The following ASTN2 variants were observed in gnomAD, a reference collection of about 807,000 sequenced individuals.
ASTN2 encodes the protein astrotactin-2.
A neutral mutation model predicts 139.8 loss-of-function variants in ASTN2; 54 were observed. The observed-to-expected ratio is 0.39, with a 90% confidence interval of 0.31 to 0.48. ASTN2 has a LOEUF of 0.48. Among genes scored for constraint, ASTN2 ranks in the 20% least tolerant of loss-of-function variants. The pLI, the probability that ASTN2 is intolerant of heterozygous loss-of-function variation, is 0.95. For synonymous variants in ASTN2, 756 were observed against 719.5 expected, an observed-to-expected ratio of 1.05 and a Z score of -0.81; for missense variants, 1,565 against 1,725.1, an observed-to-expected ratio of 0.91 and a Z score of 1.64.
intron 1 of ASTN2, among the ~76,000 whole-genome samples, chr9:117,393,039 C>T (rs1261524386): frequency 6.6e-6 from 1 of 152,206 alleles, no homozygotes; most frequent in Non-Finnish European, 1.5e-5. Context: ...CAGGAGTAGA[C>T]AAAGAGGCTA....
intron 4 of ASTN2, among the ~76,000 whole-genome samples, chr9:117,114,179 A>T (rs71495199): frequency 0.14 from 16,331 of 115,260 alleles, 1,093 homozygotes; most frequent in Non-Finnish European, 0.19. Flanking sequence ...TTTTTTTTTT[A>T]AAAAAAAAGT....
In ASTN2 at chr9:116,843,348, G is replaced by A. The variant is rs993649036; in HGVS notation, c.2040+20235C>T. Among the ~76,000 whole-genome samples, 4 of 152,152 alleles carry A rather than the reference G, an allele frequency of 2.6e-5. No individual in the cohort carries two copies. In the East Asian group the frequency reaches 5.8e-4, roughly 22 times the overall value. On this transcript the variant is annotated intron_variant, in intron 11 of 22. Transcript: ENST00000313400. Reference sequence around the variant, plus strand: ...ACACAGGAAGAGAAAACTAAATACCGCATGTTCTCACTTATAAGTGGGAGC... The same window carrying A: ...ACACAGGAAGAGAAAACTAAATACCACATGTTCTCACTTATAAGTGGGAGC...
intron 2 of ASTN2, among the ~76,000 whole-genome samples, chr9:117,252,046 A>G (rs1472267967): frequency 6.6e-6 from 1 of 152,232 alleles, no homozygotes; most frequent in African/African-American, 2.4e-5. Context: ...CTCTGATAAA[A>G]TTATATTCTC....
intron 2 of ASTN2, among the ~76,000 whole-genome samples, chr9:117,290,212 A>C (rs1394800899): frequency 6.6e-6 from 1 of 152,216 alleles, no homozygotes; most frequent in East Asian, 1.9e-4. Context: ...GCAGAGCCGT[A>C]CTAAAGAAGA....
At chr9:116,608,717 G>T (rs1425185490) in intron 19 of ASTN2, among the ~76,000 whole-genome samples, 2 of 152,108 alleles carry the variant, frequency 1.3e-5, no homozygotes, top group Non-Finnish European at 2.9e-5. Flanking sequence ...GCAATGTCTG[G>T]CATCTAATAC....
intron 10 of ASTN2, among the ~76,000 whole-genome samples, chr9:116,867,356 G>A (rs2132346948): frequency 6.6e-6 from 1 of 152,030 alleles, no homozygotes; most frequent in African/African-American, 2.4e-5. Flanking sequence ...GAAAGACACT[G>A]AGTAAGAAAG....
chr9:117,403,165 C>T (rs1210669199), intron 1 of ASTN2, among the ~76,000 whole-genome samples: 1 of 152,138 alleles, frequency 6.6e-6, no homozygotes, highest in African/African-American at 2.4e-5. Flanking sequence ...GCAGGTCTGG[C>T]CTTGAGAGCC....
chr9:116,781,479 C>T (rs1830217062), intron 13 of ASTN2, among the ~76,000 whole-genome samples: 1 of 152,044 alleles, frequency 6.6e-6, no homozygotes, highest in Non-Finnish European at 1.5e-5. Context: ...ATGTCACATG[C>T]CTATATCATT....
At chr9:116,471,380 G>A (rs1403929096) in intron 20 of ASTN2, among the ~76,000 whole-genome samples, 2 of 152,148 alleles carry the variant, frequency 1.3e-5, no homozygotes, top group Admixed American at 6.6e-5. Context: ...GAAAGAAATA[G>A]TAACTTCTTT....
At chr9:117,053,277 C>T (rs1340224419) in intron 5 of ASTN2, among the ~76,000 whole-genome samples, 2 of 152,072 alleles carry the variant, frequency 1.3e-5, no homozygotes, top group African/African-American at 2.4e-5. Context: ...CATAGCAAGA[C>T]CCCATCTCTA....
intron 3 of ASTN2, among the ~76,000 whole-genome samples, chr9:117,213,009 A>G (rs1044299073): frequency 2.6e-5 from 4 of 152,196 alleles, no homozygotes; most frequent in Non-Finnish European, 5.9e-5. Flanking sequence ...ATTATCCACA[A>G]TAGTCAAGAT....
chr9:116,801,446 G>A (rs143511760), intron 13 of ASTN2, among the ~76,000 whole-genome samples: 1 of 151,778 alleles, frequency 6.6e-6, no homozygotes, highest in Non-Finnish European at 1.5e-5. Flanking sequence ...GCCAGGTGTG[G>A]TGTGTGCCTG....
intron 19 of ASTN2, among the ~76,000 whole-genome samples, chr9:116,536,605 G>A (rs1397815516): frequency 2.6e-5 from 4 of 152,248 alleles, no homozygotes; most frequent in Admixed American, 6.5e-5. Context: ...GTCTGTTGGA[G>A]TTTGCTGGAG....
intron 10 of ASTN2, among the ~76,000 whole-genome samples, chr9:116,947,345 G>T (rs1835426508): frequency 6.6e-6 from 1 of 152,192 alleles, no homozygotes; most frequent in South Asian, 2.1e-4. Flanking sequence ...TTAGGCTGAT[G>T]AGGTTGTTAT....
chr9:116,628,218 T>A (rs1856558504), intron 17 of ASTN2, among the ~76,000 whole-genome samples: 1 of 152,164 alleles, frequency 6.6e-6, no homozygotes, highest in Admixed American at 6.5e-5. Flanking sequence ...TAGTTCAATG[T>A]AATAGAAGCC....
At chr9:116,517,715 C>T (rs1850708960) in intron 19 of ASTN2, among the ~76,000 whole-genome samples, 1 of 152,062 alleles carries the variant, frequency 6.6e-6, no homozygotes, top group Non-Finnish European at 1.5e-5. Context: ...ATCAAGGAGG[C>T]ACCAGAGAAA....
chr9:116,931,219 C>A (rs909223600), intron 10 of ASTN2, among the ~76,000 whole-genome samples: 1 of 152,172 alleles, frequency 6.6e-6, no homozygotes, highest in East Asian at 1.9e-4. Context: ...TATCGCTAAG[C>A]CTCATCATTC....
chr9:117,360,658 A>T (rs545578398), intron 1 of ASTN2, among the ~76,000 whole-genome samples: 18 of 152,254 alleles, frequency 1.2e-4, no homozygotes, highest in Non-Finnish European at 2.2e-4. Context: ...TCATGACTCC[A>T]TGGTGAGCAT....
At chr9:116,527,090 A>G (rs1851126991) in intron 19 of ASTN2, among the ~76,000 whole-genome samples, 1 of 152,216 alleles carries the variant, frequency 6.6e-6, no homozygotes, top group Admixed American at 6.5e-5. Context: ...TAAAGTAACT[A>G]GAAGAAAACA....
Sources: gnomAD v4.1 joint callset for allele counts (sites outside exome capture counted in the v4.1 genomes callset) on GRCh38, gnomAD v4.1.1 for gene constraint, MANE v1.5 for transcripts, NCBI Gene and HGNC (gene_info 2026-07-23, HGNC 2026-07-21) for gene names.